Variants in CBLC observed in about 807,000 individuals in gnomAD.
The protein encoded by CBLC is E3 ubiquitin-protein ligase CBL-C.
A neutral mutation model predicts 58.6 loss-of-function variants in CBLC; 46 were observed. That is an observed-to-expected ratio of 0.79 (90% CI 0.62 to 1.00). The LOEUF is 1.00. Ranked by LOEUF, CBLC falls within the 50% of genes least tolerant of loss-of-function variation. The pLI is 0.00. For synonymous variants in CBLC, 271 were observed against 264.2 expected (o/e 1.03, Z -0.25); for missense variants, 655 against 625.8 (o/e 1.05, Z -0.50).
At chr19:44,790,388 C>T (rs1294226373) in intron 6 of CBLC, among the ~76,000 whole-genome samples, 1 of 152,140 alleles carries the variant, frequency 6.6e-6, no homozygotes, top group Non-Finnish European at 1.5e-5. Context: ...TCTTCACAGC[C>T]ACCCTACGAG....
At chr19:44,783,536 C>T (rs1355028583) in intron 4 of CBLC, among the ~76,000 whole-genome samples, 1 of 150,702 alleles carries the variant, frequency 6.6e-6, no homozygotes, top group Non-Finnish European at 1.5e-5. Flanking sequence ...CAAAAATTAG[C>T]CTGGCATGGT....
intron 9 of CBLC, among the ~76,000 whole-genome samples, 185 bp downstream of exon 9, chr19:44,794,466 T>C (rs1968138636): frequency 7.0e-6 from 1 of 142,038 alleles, no homozygotes; most frequent in Admixed American, 6.9e-5. Flanking sequence ...TCTTTTTTTT[T>C]TTTTTTTTTT....
Position 44,780,917 on chromosome 19 carries a change from C to T in CBLC, c.366C>T (p.Ala122=), listed in dbSNP as rs371315315. The T allele has an allele frequency of 5.6e-6, 9 of 1,612,434 alleles. No individual in the cohort carries two copies. In the African/African-American group the frequency reaches 1.2e-4, roughly 22 times the overall value. ...CCCATCCCCACAGGCGACAGCTGGCCAAGCTGGCCATCATCTTCAGCCACA... is the reference window on the plus strand; with the variant it reads ...CCCATCCCCACAGGCGACAGCTGGCTAAGCTGGCCATCATCTTCAGCCACA... The part of the protein sequence containing the change: ...RAGSRLRRQL[A]KLAIIFSHMH... The change falls in exon 2 of 11, where the codon GCC becomes GCT. Residue 122 remains alanine, a synonymous_variant. Transcript: ENST00000647358.
At chr19:44,797,046 CA>C (rs879435276) in intron 9 of CBLC, among the ~76,000 whole-genome samples, 2 of 152,194 alleles carry the variant, frequency 1.3e-5, no homozygotes, top group Non-Finnish European at 2.9e-5. Context: ...GCCAGGACAG[CA>C]GGCTGACAGG....
rs751385301 is a variant in CBLC at position 44,793,504 on chromosome 19, C to T, written c.1168C>T (p.Arg390Cys). The T allele has an allele frequency of 1.4e-5, 23 of 1,612,366 alleles. No individual in the cohort carries two copies. The highest frequency in any genetic ancestry group is 5.3e-5 in the African/African-American group (4 of 74,852). Residue 390 changes from arginine (R) to cysteine (C), a missense_variant, in exon 8 of 11, where the codon CGC becomes TGC. By Grantham distance (180) the Arg-to-Cys change is radical. Transcript: ENST00000647358. ...GGACAGCCAGACCTGCCCCTTCTGC[C>T]GCTGCGAGATCAAGGGCTGGGAGGC... is the stretch of plus-strand genomic sequence containing the variant. Reference protein sequence around the residue: ...HSDSQTCPFCRCEIKGWEAVS... With the variant: ...HSDSQTCPFCCCEIKGWEAVS...
At chr19:44,788,431 G>T (rs1489581378) in intron 5 of CBLC, among the ~76,000 whole-genome samples, 4 of 150,452 alleles carry the variant, frequency 2.7e-5, no homozygotes, top group African/African-American at 9.8e-5. Context: ...AGCCAGGGCT[G>T]CATGTTTTAT....
rs140838440 is a variant in CBLC at position 44,790,287 on chromosome 19, G to A, written c.1005+196G>A. On this transcript the variant is annotated intron_variant, in intron 6 of 10. Transcript: ENST00000647358. Reference sequence around the variant, plus strand: ...TGCCTCTTTCCCAGGGGTGATCACGGGGATTAAATAAGGAACTGATGCTGC... The same window carrying A: ...TGCCTCTTTCCCAGGGGTGATCACGAGGATTAAATAAGGAACTGATGCTGC... Among the ~76,000 whole-genome samples, 320 of 152,190 alleles carry A rather than the reference G, an allele frequency of 2.1e-3. 2 individuals carry two copies. The highest frequency in any genetic ancestry group is 7.3e-3 in the African/African-American group (302 of 41,506).
chr19:44,780,393 C>T (rs1339056129), intron 1 of CBLC, among the ~76,000 whole-genome samples: 2 of 151,870 alleles, frequency 1.3e-5, no homozygotes, highest in African/African-American at 4.8e-5. Flanking sequence ...ACCTCAGCCT[C>T]CCAGAGTGCT....
intron 9 of CBLC, among the ~76,000 whole-genome samples, chr19:44,796,432 G>A (rs1415529172): frequency 1.3e-5 from 2 of 152,054 alleles, no homozygotes; most frequent in Non-Finnish European, 2.9e-5. Flanking sequence ...TGCCCAGGCT[G>A]GAGTGAAATA....
At chr19:44,791,203 G>C (rs1329721120) in intron 6 of CBLC, among the ~76,000 whole-genome samples, 1 of 151,870 alleles carries the variant, frequency 6.6e-6, no homozygotes, top group East Asian at 1.9e-4. Flanking sequence ...TACTTTGGGA[G>C]GCTGAGGCGG....
intron 7 of CBLC, among the ~76,000 whole-genome samples, chr19:44,792,884 C>T (rs887712328): frequency 2.6e-5 from 4 of 152,050 alleles, no homozygotes; most frequent in Non-Finnish European, 4.4e-5. Flanking sequence ...CGGTGGCTCA[C>T]GCCTGTAATC....
intron 9 of CBLC, among the ~76,000 whole-genome samples, chr19:44,797,882 A>C (rs548510129): frequency 6.6e-6 from 1 of 151,882 alleles, no homozygotes; most frequent in East Asian, 1.9e-4. Context: ...CTGGGACTAC[A>C]GGTGCCTGTC....
Position 44,800,580 on chromosome 19 carries a change from C to G in CBLC, c.*37C>G, listed in dbSNP as rs1040352749. 1.7e-6 allele frequency: 1 copy of G among 597,588 alleles called. No individual in the cohort carries two copies. The highest frequency in any genetic ancestry group is 2.9e-5 in the East Asian group (1 of 34,462). The allele number at this position is 597,588 out of a possible 1,614,324, so 37.0% of individuals were successfully genotyped here. A position where few individuals can be genotyped will look rare whatever the true frequency, so the allele number is the denominator to read the frequency against. ...CCCAGATGTGCTGCTCAAGGGAGCCCCAAGGGCTGGAAGGGGGTTGTGAAA... is the reference window on the plus strand; with the variant it reads ...CCCAGATGTGCTGCTCAAGGGAGCCGCAAGGGCTGGAAGGGGGTTGTGAAA... On this transcript the variant is annotated 3_prime_UTR_variant, in exon 11 of 11. Transcript: ENST00000647358.
intron 9 of CBLC, among the ~76,000 whole-genome samples, chr19:44,797,836 G>A (rs1474183354): frequency 6.6e-6 from 1 of 151,988 alleles, no homozygotes; most frequent in East Asian, 1.9e-4. Flanking sequence ...AATCTTCTGG[G>A]CTCAAGTGAT....
At chr19:44,786,833 G>A (rs1200128881) in intron 5 of CBLC, among the ~76,000 whole-genome samples, 3 of 151,972 alleles carry the variant, frequency 2.0e-5, no homozygotes, top group Non-Finnish European at 4.4e-5. Flanking sequence ...GGCCGGGCAT[G>A]GTGGCTCATG....
At chr19:44,790,734 C>T (rs914688095) in intron 6 of CBLC, among the ~76,000 whole-genome samples, 1 of 152,194 alleles carries the variant, frequency 6.6e-6, no homozygotes, top group African/African-American at 2.4e-5. Flanking sequence ...CTGTATCTGG[C>T]CCTAAATTTT....
intron 5 of CBLC, 23 bp from the exon 6 acceptor site, chr19:44,789,980 TC>T: frequency 6.7e-7 from 1 of 1,493,306 alleles, no homozygotes; most frequent in Non-Finnish European, 9.3e-7. Flanking sequence ...GGCCCCCCAG[TC>T]CCCCTCTCTT....
chr19:44,784,423 A>G, intron 5 of CBLC, 22 bp downstream of exon 5: 1 of 1,553,720 alleles, frequency 6.4e-7, no homozygotes, highest in Non-Finnish European at 8.8e-7. Flanking sequence ...TTCTGGTAGG[A>G]GGAGGGTGTC....
chr19:44,784,844 G>A (rs1967845966), intron 5 of CBLC, among the ~76,000 whole-genome samples: 1 of 151,246 alleles, frequency 6.6e-6, no homozygotes, highest in African/African-American at 2.4e-5. Context: ...GAAATGACAG[G>A]CGTGAGCCAC....
Sources: allele counts gnomAD v4.1 joint callset (sites outside exome capture counted in the v4.1 genomes callset), GRCh38; gene constraint gnomAD v4.1.1; transcripts MANE v1.5; gene names NCBI Gene and HGNC (gene_info 2026-07-23, HGNC 2026-07-21).